Variants in AOAH observed in about 807,000 individuals in gnomAD.
AOAH encodes the protein acyloxyacyl hydrolase.
Under a neutral mutation model 92.2 loss-of-function variants are expected in AOAH, and 64 were observed. The ratio of observed to expected loss-of-function variants is 0.69; its 90% confidence interval spans 0.57 to 0.86. The LOEUF (loss-of-function observed/expected upper bound fraction) is 0.86, where lower values mean the gene tolerates loss of function less well. Ranked by LOEUF, AOAH falls within the 40% of genes least tolerant of loss-of-function variation. The probability of loss-of-function intolerance (pLI) is 0.00; values close to 1 mark genes in which losing one functional copy is unlikely to be tolerated. For synonymous variants in AOAH, 263 were observed against 254.5 expected, an observed-to-expected ratio of 1.03 and a Z score of -0.32; for missense variants, 656 against 694.6, an observed-to-expected ratio of 0.94 and a Z score of 0.62.
At chr7:36,527,804 C>T (rs1026016136) in intron 19 of AOAH, among the ~76,000 whole-genome samples, 26 of 152,204 alleles carry the variant, frequency 1.7e-4, no homozygotes, top group African/African-American at 5.8e-4. Context: ...AACCACACAT[C>T]GTACCCACAT....
chr7:36,569,623 T>C lies in AOAH; in HGVS notation c.1021+6951A>G, dbSNP rs553546668. Among the ~76,000 whole-genome samples the C allele has an allele frequency of 1.9e-4, 26 of 140,008 alleles. 1 individual carries two copies. Among genetic ancestry groups the C allele is most frequent in the African/African-American group, 6.5e-4 (24 of 37,198 alleles). 91.9% of individuals were successfully genotyped at this position (140,008 alleles called of 152,430 possible). ...TCTATCTATCTATCTATCTATCTAT[T>C]TTTTAGATGGAGTTTCCACTCTTGC... On this transcript the variant is annotated intron_variant, in intron 13 of 20. Transcript: ENST00000617537.
chr7:36,521,225 C>T (rs1459144702), intron 20 of AOAH, among the ~76,000 whole-genome samples: 1 of 152,198 alleles, frequency 6.6e-6, no homozygotes, highest in African/African-American at 2.4e-5. Context: ...ACGGCTGGAG[C>T]AGAAAGGCTC....
chr7:36,564,311 C>T (rs974005002), intron 13 of AOAH, among the ~76,000 whole-genome samples: 14 of 152,314 alleles, frequency 9.2e-5, no homozygotes, highest in Non-Finnish European at 1.8e-4. Context: ...ATTTCACTGC[C>T]CTTTCACCAG....
At chr7:36,590,767 G>A (rs1295449582) in intron 12 of AOAH, among the ~76,000 whole-genome samples, 1 of 152,208 alleles carries the variant, frequency 6.6e-6, no homozygotes, top group Non-Finnish European at 1.5e-5. Flanking sequence ...TGCCCAAAAT[G>A]CCCATGGGAG....
intron 11 of AOAH, among the ~76,000 whole-genome samples, chr7:36,608,203 C>A (rs925785114): frequency 3.3e-5 from 5 of 152,234 alleles, no homozygotes; most frequent in Non-Finnish European, 4.4e-5. Flanking sequence ...TCTCTGCAGA[C>A]CCCTATCCAG....
intron 3 of AOAH, among the ~76,000 whole-genome samples, chr7:36,669,377 CT>C (rs33911092): frequency 0.098 from 12,250 of 125,464 alleles, 770 homozygotes; most frequent in East Asian, 0.22. Context: ...CCCCCCCCAC[CT>C]TTTTTTTTTT....
At chr7:36,643,126 G>T (rs893188378) in intron 4 of AOAH, among the ~76,000 whole-genome samples, 1 of 152,162 alleles carries the variant, frequency 6.6e-6, no homozygotes, top group Non-Finnish European at 1.5e-5. Flanking sequence ...TCAGCCTACA[G>T]AAATGTATGC....
intron 1 of AOAH, among the ~76,000 whole-genome samples, chr7:36,719,659 G>A (rs929826979): frequency 1.3e-5 from 2 of 152,100 alleles, no homozygotes; most frequent in East Asian, 1.9e-4. Context: ...GGCTGGACAC[G>A]GTGGCTCATG....
chr7:36,576,985 T>C (rs1425987646), intron 12 of AOAH, among the ~76,000 whole-genome samples: 1 of 152,040 alleles, frequency 6.6e-6, no homozygotes, highest in African/African-American at 2.4e-5. Context: ...TGCTCACCTT[T>C]ACCGACTCTG....
intron 13 of AOAH, among the ~76,000 whole-genome samples, chr7:36,565,830 C>G (rs566564733): frequency 3.5e-4 from 54 of 152,148 alleles, no homozygotes; most frequent in African/African-American, 1.3e-3. Flanking sequence ...CATGAGACAC[C>G]GTGCCTGGCC....
chr7:36,526,991 A>G (rs915000072), intron 19 of AOAH, among the ~76,000 whole-genome samples: 6 of 152,248 alleles, frequency 3.9e-5, no homozygotes, highest in Non-Finnish European at 7.3e-5. Flanking sequence ...CTGTCAGTGT[A>G]AAAATGGCTT....
At chr7:36,708,517 G>C (rs957429930) in intron 1 of AOAH, among the ~76,000 whole-genome samples, 3 of 152,016 alleles carry the variant, frequency 2.0e-5, no homozygotes, top group Non-Finnish European at 2.9e-5. Flanking sequence ...CCCCATAACA[G>C]CACTTTGAAG....
intron 13 of AOAH, among the ~76,000 whole-genome samples, chr7:36,562,709 T>A (rs1787365532): frequency 6.6e-6 from 1 of 152,140 alleles, no homozygotes; most frequent in Non-Finnish European, 1.5e-5. Context: ...GATCCTCCCT[T>A]CCCATGATCT....
chr7:36,663,505 A>T (rs371091005), intron 3 of AOAH, among the ~76,000 whole-genome samples: 1 of 152,190 alleles, frequency 6.6e-6, no homozygotes, highest in Admixed American at 6.5e-5. Context: ...GTAACCACGG[A>T]TATCTTTGTA....
At chr7:36,608,416 C>A (rs990488491) in intron 11 of AOAH, among the ~76,000 whole-genome samples, 13 of 152,200 alleles carry the variant, frequency 8.5e-5, no homozygotes, top group African/African-American at 3.1e-4. Context: ...TCATCTTTCA[C>A]TTGGAAGAAA....
At chr7:36,521,501 G>A (rs930284881) in intron 20 of AOAH, among the ~76,000 whole-genome samples, 8 of 152,200 alleles carry the variant, frequency 5.3e-5, no homozygotes, top group African/African-American at 1.9e-4. Flanking sequence ...GACCAGAGGA[G>A]AGCTACTTTA....
intron 11 of AOAH, among the ~76,000 whole-genome samples, chr7:36,596,171 A>AC (rs540009651): frequency 1.1e-3 from 134 of 118,714 alleles, no homozygotes; most frequent in Non-Finnish European, 1.9e-3. Context: ...AAGCCCCCCC[A>AC]CCCCCCGTCA....
intron 13 of AOAH, among the ~76,000 whole-genome samples, chr7:36,560,418 G>C (rs1787173495): frequency 6.6e-6 from 1 of 152,102 alleles, no homozygotes; most frequent in African/African-American, 2.4e-5. Context: ...TTCCAGCAAC[G>C]TTTTTTAGTT....
chr7:36,556,562 C>T (rs1786731091), intron 13 of AOAH, among the ~76,000 whole-genome samples: 1 of 150,814 alleles, frequency 6.6e-6, no homozygotes, highest in South Asian at 2.1e-4. Flanking sequence ...TCTCATTGAT[C>T]TGTCTAATGT....
Sources: allele counts gnomAD v4.1 joint callset (sites outside exome capture counted in the v4.1 genomes callset), GRCh38; gene constraint gnomAD v4.1.1; transcripts MANE v1.5; gene names NCBI Gene and HGNC (gene_info 2026-07-23, HGNC 2026-07-21).